Variants in ZFYVE9 observed in about 807,000 individuals in gnomAD.
ZFYVE9 encodes the protein zinc finger FYVE-type containing 9, also known as zinc finger FYVE domain-containing protein 9.
ZFYVE9 carries 43 observed loss-of-function variants against 126.7 expected under a neutral mutation model. The ratio of observed to expected loss-of-function variants is 0.34; its 90% confidence interval spans 0.27 to 0.44. The LOEUF (loss-of-function observed/expected upper bound fraction) is 0.44. Ranked by LOEUF, ZFYVE9 falls within the 20% of genes least tolerant of loss-of-function variation. The pLI, the probability that ZFYVE9 is intolerant of heterozygous loss-of-function variation, is 1.00. For synonymous variants in ZFYVE9, 521 were observed against 597.4 expected (o/e 0.87, Z 1.87); for missense variants, 1,476 against 1,697.0 (o/e 0.87, Z 2.29).
At chr1:52,177,940 TTTTG>T (rs1644654370) in intron 1 of ZFYVE9, among the ~76,000 whole-genome samples, 1 of 139,866 alleles carries the variant, frequency 7.1e-6, no homozygotes. Flanking sequence ...TGAAAAGTAG[TTTTG>T]TTTTTTTTTT....
At chr1:52,253,545 G>T in intron 4 of ZFYVE9, 1 of 725,388 alleles carries the variant, frequency 1.4e-6, no homozygotes. Context: ...GTCCTAGGAA[G>T]CCGAGTGGGA....
Position 52,269,378 on chromosome 1 carries a change from C to G in ZFYVE9, c.2625+746C>G, listed in dbSNP as rs372337515. Reference sequence around the variant, plus strand: ...ACTCCTGACCTCAAGTGATCCACCCCCTCAGCCTCCCAAAGTGCTAGGATT... The same window carrying G: ...ACTCCTGACCTCAAGTGATCCACCCGCTCAGCCTCCCAAAGTGCTAGGATT... On this transcript the variant is annotated intron_variant, in intron 7 of 18. Coordinates refer to ENST00000287727, the MANE Select transcript of ZFYVE9 (RefSeq NM_004799.4). 6.6e-5 allele frequency among the ~76,000 whole-genome samples: 10 copies of G among 152,184 alleles called. No individual in the cohort carries two copies. The East Asian group carries it at 1.5e-3, about 24-fold the overall frequency.
intron 1 of ZFYVE9, among the ~76,000 whole-genome samples, chr1:52,215,093 A>T (rs1424510047): frequency 6.6e-6 from 1 of 152,228 alleles, no homozygotes; most frequent in Non-Finnish European, 1.5e-5. Context: ...TGCCTCACAT[A>T]TTGAAAAACT....
chr1:52,159,556 G>A (rs1253127193), intron 1 of ZFYVE9, among the ~76,000 whole-genome samples: 1 of 152,174 alleles, frequency 6.6e-6, no homozygotes, highest in Non-Finnish European at 1.5e-5. Context: ...GACAGAAGTG[G>A]CCAGGCCTTA....
chr1:52,217,367 G>A (rs1645081592), intron 2 of ZFYVE9, among the ~76,000 whole-genome samples: 1 of 152,182 alleles, frequency 6.6e-6, no homozygotes, highest in South Asian at 2.1e-4. Flanking sequence ...TACAACTTAT[G>A]ACCAGGAAGT....
intron 17 of ZFYVE9, among the ~76,000 whole-genome samples, chr1:52,342,911 ATT>A (rs554181716): frequency 7.2e-6 from 1 of 138,502 alleles, no homozygotes. Flanking sequence ...AGGCAAATTA[ATT>A]TTTTTTTTTT....
At chr1:52,155,646 C>T (rs1238317847) in intron 1 of ZFYVE9, among the ~76,000 whole-genome samples, 1 of 152,194 alleles carries the variant, frequency 6.6e-6, no homozygotes, top group Non-Finnish European at 1.5e-5. Flanking sequence ...CCATTGGTAC[C>T]TCCAACAGCA....
intron 1 of ZFYVE9, among the ~76,000 whole-genome samples, chr1:52,173,927 G>A (rs981712361): frequency 1.6e-4 from 25 of 151,748 alleles, no homozygotes; most frequent in African/African-American, 3.1e-4. Flanking sequence ...CGGTCTATCA[G>A]TTTTGTTGAT....
intron 1 of ZFYVE9, among the ~76,000 whole-genome samples, chr1:52,154,166 G>A (rs2124500033): frequency 6.6e-6 from 1 of 152,284 alleles, no homozygotes; most frequent in Non-Finnish European, 1.5e-5. Context: ...TATATTTAGT[G>A]GTACTGGCTA....
intron 2 of ZFYVE9, among the ~76,000 whole-genome samples, chr1:52,230,069 C>T (rs1325005443): frequency 1.3e-5 from 2 of 152,034 alleles, no homozygotes; most frequent in Admixed American, 6.6e-5. Context: ...GGGGTTTCAC[C>T]GTGTTAGCCA....
chr1:52,161,024 T>C (rs1349360266), intron 1 of ZFYVE9, among the ~76,000 whole-genome samples: 3 of 152,136 alleles, frequency 2.0e-5, no homozygotes, highest in African/African-American at 7.2e-5. Context: ...AATTCAGTAG[T>C]TTGGGTCTTT....
At chr1:52,297,688 A>T (rs201840965) in intron 12 of ZFYVE9, among the ~76,000 whole-genome samples, 7 of 149,630 alleles carry the variant, frequency 4.7e-5, no homozygotes, top group African/African-American at 9.8e-5. Context: ...CTATATTTCC[A>T]GTTATCTTTT....
chr1:52,307,307 C>T (rs1646094596), intron 13 of ZFYVE9, among the ~76,000 whole-genome samples: 1 of 152,066 alleles, frequency 6.6e-6, no homozygotes, highest in South Asian at 2.1e-4. Flanking sequence ...ACAATCTTGG[C>T]TCACTGCAAC....
chr1:52,153,281 C>T (rs1644373753), intron 1 of ZFYVE9, among the ~76,000 whole-genome samples: 1 of 152,180 alleles, frequency 6.6e-6, no homozygotes, highest in Admixed American at 6.5e-5. Flanking sequence ...AGCAGCTCCT[C>T]CAAGGGAGGA....
At chr1:52,221,760 C>T (rs1375347996) in intron 2 of ZFYVE9, among the ~76,000 whole-genome samples, 2 of 152,122 alleles carry the variant, frequency 1.3e-5, no homozygotes, top group Admixed American at 6.5e-5. Flanking sequence ...GGTGGAATGG[C>T]TGTTCTAAGG....
chr1:52,209,364 T>A (rs1317110657), intron 1 of ZFYVE9, among the ~76,000 whole-genome samples: 1 of 152,192 alleles, frequency 6.6e-6, no homozygotes. Flanking sequence ...TCATATATCA[T>A]AAAATTCACT....
chr1:52,320,038 AAG>A (rs1341020511), intron 13 of ZFYVE9, among the ~76,000 whole-genome samples: 1 of 149,002 alleles, frequency 6.7e-6, no homozygotes, highest in Non-Finnish European at 1.5e-5. Flanking sequence ...AAAAGAGAAA[AAG>A]AAAATAATTC....
rs771034339 is a variant in ZFYVE9 at position 52,237,701 on chromosome 1, A to G, written c.284A>G (p.Asn95Ser). The G allele has an allele frequency of 6.2e-7, 1 of 1,613,964 alleles. No individual in the cohort carries two copies. Among genetic ancestry groups the G allele is most frequent in the Admixed American group, 1.7e-5 (1 of 59,994 alleles). The change falls in exon 4 of 19, where the codon AAT becomes AGT. Residue 95 changes from asparagine (N) to serine (S), a missense_variant. Physicochemically the swap from Asn to Ser is conservative, Grantham distance 46. Coordinates refer to ENST00000287727, the MANE Select transcript of ZFYVE9 (RefSeq NM_004799.4). ...CACTGTGCTAATGGACAGGACTGTA[A>G]TCTAAATCCAGAGATTGCCACAATG... ...EDHCANGQDC[N>S]LNPEIATMWI...
chr1:52,306,698 C>A (rs1192010057), intron 13 of ZFYVE9, among the ~76,000 whole-genome samples: 2 of 152,230 alleles, frequency 1.3e-5, no homozygotes, highest in Non-Finnish European at 2.9e-5. Context: ...CTCTTTGGGG[C>A]CCTGTGGTTA....
Sources: allele counts gnomAD v4.1 joint callset (sites outside exome capture counted in the v4.1 genomes callset), GRCh38; gene constraint gnomAD v4.1.1; transcripts MANE v1.5; gene names NCBI Gene and HGNC (gene_info 2026-07-23, HGNC 2026-07-21).